Variants in AIFM1 observed in about 807,000 individuals in gnomAD.
AIFM1 encodes the protein apoptosis inducing factor mitochondria associated 1, also known as apoptosis-inducing factor 1, mitochondrial.
AIFM1 carries 3 observed loss-of-function variants against 51.7 expected under a neutral mutation model. That is an observed-to-expected ratio of 0.06 (90% CI 0.03 to 0.15). AIFM1 has a LOEUF of 0.15. Ranked by LOEUF, AIFM1 falls within the 10% of genes least tolerant of loss-of-function variation. AIFM1 has a pLI of 1.00. For missense variants in AIFM1, 330 were observed against 476.8 expected (o/e 0.69, Z 2.87); for synonymous variants, 178 against 179.4 (o/e 0.99, Z 0.06).
chrX:130,137,443 G>T, intron 9 of AIFM1: 21 of 1,166,055 alleles, frequency 1.8e-5, no homozygotes, highest in Non-Finnish European at 2.4e-5. Context: ...TTCCACCCAT[G>T]CAGTCACCTA....
At chrX:130,158,531 C>T (rs2031242682) in intron 1 of AIFM1, among the ~76,000 whole-genome samples, 1 of 109,893 alleles carries the variant, frequency 9.1e-6, no homozygotes, top group Non-Finnish European at 1.9e-5. Context: ...TAACAAGTTC[C>T]CAGGGGATGC....
chrX:130,136,459 A>G, intron 11 of AIFM1, among the ~76,000 whole-genome samples, 184 bp downstream of exon 11: 1 of 112,362 alleles, frequency 8.9e-6, no homozygotes. Context: ...AGTGGTTCAC[A>G]GGAGCCTACT....
chrX:130,157,311 C>T (rs1825566992), intron 1 of AIFM1, among the ~76,000 whole-genome samples: 1 of 112,382 alleles, frequency 8.9e-6, no homozygotes, highest in Non-Finnish European at 1.9e-5. Flanking sequence ...ATGATCATAA[C>T]AGCACCTGTA....
chrX:130,147,567 T>C lies in AIFM1; in HGVS notation c.531A>G (p.Lys177=). Residue 177 remains lysine, a synonymous_variant, in exon 5 of 16, where the codon AAA becomes AAG. Coordinates refer to ENST00000287295, the MANE Select transcript of AIFM1 (RefSeq NM_004208.4). ...ELPYMRPPLS[K]ELWFSDDPNV... is the part of the protein sequence containing the mutation. The stretch of plus-strand genomic sequence containing the variant: ...TTGGGTCATCTGAAAACCACAGTTC[T>C]TTTGAAAGAGGAGGTCGCATGTACG... The C allele has an allele frequency of 8.2e-7, 1 of 1,212,199 alleles. No individual in the cohort carries two copies. Among genetic ancestry groups the C allele is most frequent in the Non-Finnish European group, 1.1e-6 (1 of 895,589 alleles).
rs111771030 is a variant in AIFM1, at chrX:130,165,836, G to A, written c.-180C>T. 37 of 496,318 alleles carry A rather than the reference G, an allele frequency of 7.5e-5. No homozygotes were observed. The highest frequency in any genetic ancestry group is 1.2e-4 in the African/African-American group (5 of 43,134). The allele number at this position is 496,318 out of a possible 1,213,427, so 40.9% of individuals were successfully genotyped here. A position where few individuals can be genotyped will look rare whatever the true frequency, so the allele number is the denominator to read the frequency against. On this transcript the variant is annotated 5_prime_UTR_variant, in exon 1 of 16. Coordinates refer to ENST00000287295, the MANE Select transcript of AIFM1 (RefSeq NM_004208.4). ...AGCCGGCCTGCTAGAGCCGGGGAAG[G>A]GGAACGGCGACCGGAGGCCTACTGC...
At chrX:130,132,536 G>A (rs1208732157) in intron 13 of AIFM1, among the ~76,000 whole-genome samples, 2 of 111,776 alleles carry the variant, frequency 1.8e-5, no homozygotes, top group Non-Finnish European at 3.8e-5. Context: ...TTTCCCCTTA[G>A]CCTCCACTTT....
intron 5 of AIFM1, among the ~76,000 whole-genome samples, chrX:130,145,921 T>A (rs750236276): frequency 8.9e-6 from 1 of 111,752 alleles, no homozygotes; most frequent in African/African-American, 3.2e-5. Context: ...CAAAGCGTTA[T>A]CCTGCTCCAA....
At chrX:130,145,919 T>G (rs1340358819) in intron 5 of AIFM1, among the ~76,000 whole-genome samples, 2 of 111,783 alleles carry the variant, frequency 1.8e-5, no homozygotes, top group African/African-American at 6.5e-5. Flanking sequence ...AGCAAAGCGT[T>G]ATCCTGCTCC....
At chrX:130,149,255 A>T (rs2030873341) in intron 3 of AIFM1, among the ~76,000 whole-genome samples, 1 of 111,653 alleles carries the variant, frequency 9.0e-6, no homozygotes, top group Non-Finnish European at 1.9e-5. Context: ...ATAAACAACC[A>T]ATCATAATTA....
At chrX:130,142,505 C>T (rs755757930) in intron 6 of AIFM1, among the ~76,000 whole-genome samples, 13 of 111,967 alleles carry the variant, frequency 1.2e-4, no homozygotes, top group Non-Finnish European at 2.4e-4. Context: ...AGCCTATTAA[C>T]ATGCTTGTCC....
intron 12 of AIFM1, among the ~76,000 whole-genome samples, chrX:130,135,454 A>AC (rs1254844350): frequency 8.4e-5 from 9 of 107,517 alleles, no homozygotes; most frequent in Admixed American, 3.0e-4. Context: ...AAAAAAAAAA[A>AC]AACAAGGTTT....
Position 130,137,183 on chromosome X carries a change from G to C in AIFM1, c.970C>G (p.Arg324Gly). The C allele has an allele frequency of 9.1e-6, 11 of 1,210,750 alleles. No individual in the cohort carries two copies. Among genetic ancestry groups the C allele is most frequent in the Non-Finnish European group, 1.2e-5 (11 of 895,380 alleles). Reference protein sequence around the residue: ...ELACALGRKARALGTEVIQLF... With the variant: ...ELACALGRKAGALGTEVIQLF... ...TGAATCACTTCTGTGCCCAAGGCTC[G>C]AGCTGGGAAGAAGAAACAGAGTAGT... Residue 324 changes from arginine to glycine, a missense_variant and splice_region_variant, in exon 10 of 16, where the codon CGA (arginine) becomes GGA (glycine). Around this residue, in one of 4 missense-constraint regions of AIFM1, gnomAD observed 152 missense variants for 292.8 expected, o/e 0.52. Transcript: ENST00000287295.
chrX:130,145,430 G>A (rs1240877959), intron 6 of AIFM1, 49 bp downstream of exon 6: 1 of 956,066 alleles, frequency 1.0e-6, no homozygotes, highest in Admixed American at 2.2e-5. Flanking sequence ...CATACTGGCT[G>A]GTGGGCAAGT....
At chrX:130,136,854 A>C in intron 10 of AIFM1, 123 bp from the exon 11 acceptor site, 8 of 998,861 alleles carry the variant, frequency 8.0e-6, no homozygotes, top group Non-Finnish European at 1.1e-5. Flanking sequence ...GCAGTTTTGG[A>C]GAGCTGCAAG....
chrX:130,134,032 T>G (rs902900645), intron 12 of AIFM1, among the ~76,000 whole-genome samples: 1 of 110,292 alleles, frequency 9.1e-6, no homozygotes, highest in Non-Finnish European at 1.9e-5. Flanking sequence ...CACAAGGAGT[T>G]CGAGACAAGC....
chrX:130,157,420 C>G (rs767520546), intron 1 of AIFM1, among the ~76,000 whole-genome samples: 8 of 111,817 alleles, frequency 7.2e-5, no homozygotes, highest in Non-Finnish European at 3.8e-5. Flanking sequence ...TGTGATTACT[C>G]CTCGTGTTTG....
Position 130,158,386 on chromosome X carries a change from A to G in AIFM1, c.107-1783T>C, listed in dbSNP as rs762320121. On this transcript the variant is annotated intron_variant, in intron 1 of 15. Coordinates refer to ENST00000287295, the MANE Select transcript of AIFM1 (RefSeq NM_004208.4). ...CTGTGGCTGTAGTTGGCAGACCCCG[A>G]TCTAGAGCAGTGGTTTTCAAACTTG... Among the ~76,000 whole-genome samples the G allele has an allele frequency of 1.2e-4, 14 of 112,473 alleles. No homozygotes were observed. In the South Asian group the frequency reaches 4.8e-3, roughly 39 times the overall value.
chrX:130,134,388 G>C (rs1269039243), intron 12 of AIFM1, among the ~76,000 whole-genome samples: 1 of 111,382 alleles, frequency 9.0e-6, no homozygotes, highest in African/African-American at 3.3e-5. Flanking sequence ...TCTATATGTA[G>C]AAACCAGTTT....
chrX:130,163,304 C>CA (rs10708248), intron 1 of AIFM1, among the ~76,000 whole-genome samples: 1,217 of 66,674 alleles, frequency 0.018, 16 homozygotes, highest in Middle Eastern at 0.03. Flanking sequence ...GACTCCGCCT[C>CA]AAAAAAAAAA....
Sources: gnomAD v4.1 joint callset for allele counts (sites outside exome capture counted in the v4.1 genomes callset) on GRCh38, gnomAD v4.1.1 for gene constraint, gnomAD v4.1.1 regional missense constraint, MANE v1.5 for transcripts, NCBI Gene and HGNC (gene_info 2026-07-23, HGNC 2026-07-21) for gene names.